The following C3orf20 variants were observed in gnomAD, a reference collection of about 807,000 sequenced individuals.
C3orf20 encodes uncharacterized protein C3orf20.
A neutral mutation model predicts 88.3 loss-of-function variants in C3orf20; 76 were observed. That is an observed-to-expected ratio of 0.86 (90% CI 0.72 to 1.04). The LOEUF (loss-of-function observed/expected upper bound fraction) is 1.04, where lower values mean the gene tolerates loss of function less well. Ranked by LOEUF, C3orf20 falls within the 50% of genes least tolerant of loss-of-function variation. The pLI is 0.00. For missense variants in C3orf20, 1,056 were observed against 1,123.3 expected, an observed-to-expected ratio of 0.94 and a Z score of 0.86; for synonymous variants, 436 against 437.4, an observed-to-expected ratio of 1.00 and a Z score of 0.04.
intron 1 of C3orf20, among the ~76,000 whole-genome samples, chr3:14,681,399 G>T (rs960212893): frequency 6.6e-6 from 1 of 152,216 alleles, no homozygotes; most frequent in Non-Finnish European, 1.5e-5. Context: ...ATAAAAGGTG[G>T]TCGAAGAGAT....
chr3:14,691,684 G>T (rs2032738549), intron 5 of C3orf20, among the ~76,000 whole-genome samples: 1 of 152,094 alleles, frequency 6.6e-6, no homozygotes, highest in Non-Finnish European at 1.5e-5. Flanking sequence ...GAGATATTTT[G>T]ATACAGGCAC....
chr3:14,756,704 G>A (rs754315546), intron 12 of C3orf20, among the ~76,000 whole-genome samples: 17 of 152,224 alleles, frequency 1.1e-4, no homozygotes, highest in Non-Finnish European at 2.4e-4. Context: ...GGCCAGTGTG[G>A]CTGAAGTGCA....
chr3:14,704,511 C>G lies in C3orf20; in HGVS notation c.1053C>G (p.His351Gln). 3 of 1,614,170 alleles carry G rather than the reference C, an allele frequency of 1.9e-6. No individual in the cohort carries two copies. Among genetic ancestry groups the G allele is most frequent in the Non-Finnish European group, 2.5e-6 (3 of 1,180,034 alleles). Residue 351 changes from histidine to glutamine, a missense_variant, in exon 7 of 17, where the codon CAC becomes CAG. By Grantham distance (24) the His-to-Gln change is conservative. Coordinates refer to ENST00000253697, the MANE Select transcript of C3orf20 (RefSeq NM_032137.5). ...AGAQTLSPTSHPSSANHHFSQ... is the reference protein window; with the variant it reads ...AGAQTLSPTSQPSSANHHFSQ... ...CTCAGACTCTCAGCCCCACCTCTCA[C>G]CCATCTTCTGCCAACCATCATTTCA...
In C3orf20 at chr3:14,728,636, A is replaced by G. The variant is rs749012317; in HGVS notation, c.1888A>G (p.Ser630Gly). The G allele has an allele frequency of 1.1e-5, 18 of 1,611,476 alleles. No individual in the cohort carries two copies. In the Admixed American group the frequency reaches 3.0e-4, roughly 27 times the overall value. ...LKDEPESAPV[S>G]PVRKTTKIHT... ...GGATGAGCCTGAGTCTGCTCCTGTG[A>G]GCCCAGTTCGGAAGACCACCAAAAT... The change falls in exon 12 of 17, where the codon AGC (serine) becomes GGC (glycine). Residue 630 changes from serine to glycine, a missense_variant. By Grantham distance (56) the Ser-to-Gly change is moderately conservative (BLOSUM62 0). Transcript: ENST00000253697.
intron 5 of C3orf20, 60 bp from the exon 6 acceptor site, chr3:14,703,064 ACTGATG>A: frequency 6.3e-7 from 1 of 1,579,032 alleles, no homozygotes. Flanking sequence ...TCCAGGTGAC[ACTGATG>A]CAAAAGGTGG....
At chr3:14,757,723 G>A (rs1162756661) in intron 13 of C3orf20, 49 bp downstream of exon 13, 2 of 1,550,252 alleles carry the variant, frequency 1.3e-6, no homozygotes, top group East Asian at 2.3e-5. Flanking sequence ...GGCAGGGGTA[G>A]TGGGGCAGTC....
At chr3:14,762,431 G>A (rs752497547) in intron 15 of C3orf20, among the ~76,000 whole-genome samples, 4 of 152,214 alleles carry the variant, frequency 2.6e-5, no homozygotes, top group African/African-American at 9.6e-5. Flanking sequence ...TGCATGAAGC[G>A]CCTGAAGACT....
At chr3:14,730,230 T>G (rs2034492939) in intron 12 of C3orf20, among the ~76,000 whole-genome samples, 1 of 152,204 alleles carries the variant, frequency 6.6e-6, no homozygotes, top group Non-Finnish European at 1.5e-5. Context: ...TAGCAATAGT[T>G]TCTTCTTTTT....
At chr3:14,767,051 C>T (rs994801902) in intron 15 of C3orf20, 2 of 152,394 alleles carry the variant, frequency 1.3e-5, no homozygotes, top group African/African-American at 4.8e-5. Flanking sequence ...GTCACATCCT[C>T]CTGCTGGGAC....
rs572915655 is a variant in C3orf20 at position 14,757,412 on chromosome 3, C to T, written c.1982C>T (p.Ala661Val). The part of the protein sequence containing the change: ...REGRSPTRWA[A>V]LPSDCPLVLR... The stretch of plus-strand genomic sequence containing the variant: ...GGGCGCAGCCCCACCAGGTGGGCGG[C>T]CTTGCCCTCAGACTGCCCGCTGGTG... The change falls in exon 13 of 17, where the codon GCC (alanine) becomes GTC (valine). Residue 661 changes from alanine (A) to valine (V), a missense_variant. Transcript: ENST00000253697. The T allele has an allele frequency of 6.2e-7, 1 of 1,611,976 alleles. No homozygotes were observed. The highest frequency in any genetic ancestry group is 2.2e-5 in the East Asian group (1 of 44,886).
At chr3:14,757,780 G>GGT in intron 13 of C3orf20, 106 bp downstream of exon 13, 1 of 1,052,474 alleles carries the variant, frequency 9.5e-7, no homozygotes, top group Non-Finnish European at 1.3e-6. Context: ...CCTGCCTGAG[G>GGT]GGCCACCCTC....
intron 11 of C3orf20, 46 bp from the exon 12 acceptor site, chr3:14,728,393 G>T: frequency 6.2e-7 from 1 of 1,609,432 alleles, no homozygotes; most frequent in Non-Finnish European, 8.5e-7. Context: ...GGGCAGAGGA[G>T]TCCTGGCCAT....
At chr3:14,707,700 T>G (rs2033573003) in intron 7 of C3orf20, among the ~76,000 whole-genome samples, 1 of 152,106 alleles carries the variant, frequency 6.6e-6, no homozygotes, top group South Asian at 2.1e-4. Context: ...GCACAAAAAC[T>G]TTTAAATTTT....
intron 12 of C3orf20, among the ~76,000 whole-genome samples, chr3:14,751,665 C>T (rs1466889724): frequency 1.3e-5 from 2 of 152,174 alleles, no homozygotes; most frequent in African/African-American, 4.8e-5. Flanking sequence ...GCAAAAATCA[C>T]AAGCATTCCT....
At chr3:14,735,332 G>GT (rs898422793) in intron 12 of C3orf20, among the ~76,000 whole-genome samples, 5 of 150,526 alleles carry the variant, frequency 3.3e-5, no homozygotes, top group Non-Finnish European at 7.4e-5. Context: ...ATTAATGAAA[G>GT]TTTTTTTTTA....
Position 14,728,516 on chromosome 3 carries a change from C to T in C3orf20, c.1768C>T (p.Pro590Ser). 6.2e-7 allele frequency: 1 copy of T among 1,614,220 alleles called. No homozygotes were observed. Among genetic ancestry groups the T allele is most frequent in the Non-Finnish European group, 8.5e-7 (1 of 1,180,036 alleles). ...VRFKMRSRTH[P>S]ERLPKLSLYS... ...GTTCAAGATGAGATCCAGAACTCAT[C>T]CCGAGCGGCTCCCCAAGCTAAGTTT... Residue 590 changes from proline to serine, a missense_variant, in exon 12 of 17, where the codon CCC (proline) becomes TCC (serine). By Grantham distance (74) the Pro-to-Ser change is moderately conservative (BLOSUM62 -1). Transcript: ENST00000253697.
chr3:14,687,620 A>T (rs1190917730), intron 4 of C3orf20, among the ~76,000 whole-genome samples: 1 of 152,340 alleles, frequency 6.6e-6, no homozygotes, highest in East Asian at 1.9e-4. Flanking sequence ...CCCATGGCAG[A>T]TGTCAGGGTA....
In C3orf20 at chr3:14,684,301, C is replaced by T. The variant is rs544401239; in HGVS notation, c.544C>T (p.Leu182Phe). The T allele has an allele frequency of 1.8e-5, 29 of 1,614,184 alleles. No individual in the cohort carries two copies. In the South Asian group the frequency reaches 2.5e-4, roughly 14 times the overall value. Residue 182 changes from leucine to phenylalanine, a missense_variant, in exon 4 of 17, where the codon CTC (leucine) becomes TTC (phenylalanine). Leu to Phe is a conservative substitution (Grantham distance 22). Coordinates refer to ENST00000253697, the MANE Select transcript of C3orf20 (RefSeq NM_032137.5). The part of the protein sequence containing the change: ...RFVEASQLLH[L>F]NAKEMAFNCL... ...TGTGGAGGCCAGCCAGCTCCTCCAC[C>T]TCAATGCCAAGGAGATGGCCTTCAA...
chr3:14,716,456 T>TAAG (rs1319935558), intron 9 of C3orf20, among the ~76,000 whole-genome samples: 1 of 152,178 alleles, frequency 6.6e-6, no homozygotes, highest in Non-Finnish European at 1.5e-5. Flanking sequence ...ACCCTACCCT[T>TAAG]AGTCTCCTGT....
Sources: allele counts gnomAD v4.1 joint callset (sites outside exome capture counted in the v4.1 genomes callset), GRCh38; gene constraint gnomAD v4.1.1; transcripts MANE v1.5; gene names NCBI Gene and HGNC (gene_info 2026-07-23, HGNC 2026-07-21).